The following MACROD2 variants were observed in gnomAD, a reference collection of about 807,000 sequenced individuals.
MACROD2 encodes the protein mono-ADP ribosylhydrolase 2.
MACROD2 carries 36 observed loss-of-function variants against 70.4 expected under a neutral mutation model. The observed-to-expected ratio is 0.51, with a 90% CI of 0.39 to 0.68. MACROD2 has a LOEUF of 0.68. Among genes scored for constraint, MACROD2 ranks in the 30% least tolerant of loss-of-function variants. The pLI, the probability that MACROD2 is intolerant of heterozygous loss-of-function variation, is 0.00. For missense variants in MACROD2, 496 were observed against 538.4 expected (o/e 0.92, Z 0.78); for synonymous variants, 172 against 178.8 (o/e 0.96, Z 0.30).
chr20:15,302,640 C>A (rs1002529546), intron 6 of MACROD2, among the ~76,000 whole-genome samples: 5 of 151,988 alleles, frequency 3.3e-5, no homozygotes, highest in Admixed American at 2.0e-4. Context: ...GGGATAAATC[C>A]CCAGTTGGGG....
At chr20:14,897,135 G>C (rs73268683) in intron 5 of MACROD2, among the ~76,000 whole-genome samples, 1 of 152,046 alleles carries the variant, frequency 6.6e-6, no homozygotes, top group African/African-American at 2.4e-5. Context: ...CCTGGGGTAC[G>C]AAAAATGATT....
rs929473471 is a variant in MACROD2 at position 14,804,877 on chromosome 20, T to TTGTGTGTG, written c.418+119927_418+119934dup. Among the ~76,000 whole-genome samples, 1,204 of 147,976 alleles carry TTGTGTGTG rather than the reference T, an allele frequency of 8.1e-3. 17 individuals carry two copies. Among genetic ancestry groups the TTGTGTGTG allele is most frequent in the African/African-American group, 0.029 (1,150 of 40,230 alleles). ...TCCAGGTGTGTGTGTGTGTGTGCTTTTGTGTGTGTGTGTGTGAGAGAGAGA... is the reference window on the plus strand; with the variant it reads ...TCCAGGTGTGTGTGTGTGTGTGCTTTTGTGTGTGTGTGTGTGTGTGTGTGAGAGAGAGA... On this transcript the variant is annotated intron_variant, in intron 5 of 17. Coordinates refer to ENST00000684519, the MANE Select transcript of MACROD2 (RefSeq NM_001351661.2).
At chr20:14,101,755 T>G (rs2054304588) in intron 3 of MACROD2, among the ~76,000 whole-genome samples, 1 of 151,754 alleles carries the variant, frequency 6.6e-6, no homozygotes, top group African/African-American at 2.4e-5. Context: ...CCAGGAGCTT[T>G]GTTTTGGTCT....
chr20:14,150,758 T>C (rs1451267081), intron 3 of MACROD2, among the ~76,000 whole-genome samples: 1 of 152,116 alleles, frequency 6.6e-6, no homozygotes, highest in Non-Finnish European at 1.5e-5. Context: ...GTTAGGGAAA[T>C]TTAGTAATAA....
At chr20:14,901,618 C>G (rs1358903079) in intron 5 of MACROD2, among the ~76,000 whole-genome samples, 3 of 152,088 alleles carry the variant, frequency 2.0e-5, no homozygotes, top group Non-Finnish European at 2.9e-5. Flanking sequence ...CAATAATGTT[C>G]AGGTTACAAT....
At chr20:15,929,094 G>C (rs985155776) in intron 10 of MACROD2, among the ~76,000 whole-genome samples, 5 of 152,124 alleles carry the variant, frequency 3.3e-5, no homozygotes, top group Non-Finnish European at 7.4e-5. Context: ...ATGCTCACAG[G>C]TCTGTAAGAT....
chr20:15,988,338 T>A (rs1217712279), intron 15 of MACROD2, among the ~76,000 whole-genome samples: 1 of 152,170 alleles, frequency 6.6e-6, no homozygotes, highest in Non-Finnish European at 1.5e-5. Flanking sequence ...TATATGGTAT[T>A]GCTCTCCTCA....
intron 15 of MACROD2, among the ~76,000 whole-genome samples, chr20:16,005,162 G>A (rs980121379): frequency 7.9e-5 from 12 of 152,094 alleles, no homozygotes; most frequent in Admixed American, 7.9e-4. Context: ...TCTCTACAAG[G>A]GTTGAAAAAA....
chr20:14,406,750 T>G (rs1246076896), intron 3 of MACROD2, among the ~76,000 whole-genome samples: 1 of 152,170 alleles, frequency 6.6e-6, no homozygotes, highest in Non-Finnish European at 1.5e-5. Flanking sequence ...ACTAATTCCC[T>G]GAAACTCACC....
chr20:14,219,078 G>T (rs1001822150), intron 3 of MACROD2, among the ~76,000 whole-genome samples: 13 of 152,130 alleles, frequency 8.5e-5, no homozygotes, highest in African/African-American at 2.9e-4. Flanking sequence ...GGATGTCTAG[G>T]TCTCTAGCAA....
chr20:15,208,797 G>A (rs924236198), intron 5 of MACROD2, among the ~76,000 whole-genome samples: 1 of 152,150 alleles, frequency 6.6e-6, no homozygotes, highest in Non-Finnish European at 1.5e-5. Flanking sequence ...GTAGTGAGGA[G>A]GCCTGCTGGG....
intron 8 of MACROD2, among the ~76,000 whole-genome samples, chr20:15,726,900 G>A (rs2050870815): frequency 6.6e-6 from 1 of 152,160 alleles, no homozygotes; most frequent in East Asian, 1.9e-4. Context: ...TCTGTTGATA[G>A]TTTCTTTTGC....
chr20:15,714,783 A>G (rs557715257), intron 8 of MACROD2, among the ~76,000 whole-genome samples: 12 of 152,224 alleles, frequency 7.9e-5, no homozygotes, highest in Non-Finnish European at 1.5e-4. Context: ...TGTGCCATAT[A>G]CTTTTTTATT....
chr20:15,214,239 G>A (rs899846304), intron 5 of MACROD2, among the ~76,000 whole-genome samples: 9 of 152,204 alleles, frequency 5.9e-5, no homozygotes, highest in African/African-American at 2.2e-4. Flanking sequence ...CCCATTTAGA[G>A]GAATGCCACC....
chr20:15,159,170 G>A (rs570938110), intron 5 of MACROD2, among the ~76,000 whole-genome samples: 65 of 151,932 alleles, frequency 4.3e-4, no homozygotes, highest in Non-Finnish European at 8.4e-4. Flanking sequence ...TTCTTTTCTA[G>A]AATCTCATTT....
At position 16,050,039 on chromosome 20, in the gene MACROD2, C is replaced by A; in HGVS notation, c.*163C>A. On this transcript the variant is annotated 3_prime_UTR_variant, in exon 18 of 18. Coordinates refer to ENST00000684519, the MANE Select transcript of MACROD2 (RefSeq NM_001351661.2). ...AGCTGCATTTTGTTCCGTTTATCTGCAGAAAAAGAAAGAAAAAAAAGAAAA... is the reference window on the plus strand; with the variant it reads ...AGCTGCATTTTGTTCCGTTTATCTGAAGAAAAAGAAAGAAAAAAAAGAAAA... 3 of 555,530 alleles carry A rather than the reference C, an allele frequency of 5.4e-6. No homozygotes were observed. Among genetic ancestry groups the A allele is most frequent in the Admixed American group, 7.9e-5 (2 of 25,268 alleles). 34.4% of individuals were successfully genotyped at this position (555,530 alleles called of 1,614,324 possible).
In MACROD2 at chr20:15,876,120, T is replaced by TGTATGTA. The variant is rs1400960877; in HGVS notation, c.728-9644_728-9643insGTATGTA. ...ATATATATATATATATATGTGTGTA[T>TGTATGTA]TTTTTTTATTACACTGTAAGTTCTA... On this transcript the variant is annotated intron_variant, in intron 9 of 17. Coordinates refer to ENST00000684519, the MANE Select transcript of MACROD2 (RefSeq NM_001351661.2). 4.8e-5 allele frequency among the ~76,000 whole-genome samples: 7 copies of TGTATGTA among 146,036 alleles called. 1 individual carries two copies. The highest frequency in any genetic ancestry group is 2.2e-4 in the South Asian group (1 of 4,594).
chr20:14,803,895 A>ATAG (rs1198152192), intron 5 of MACROD2, among the ~76,000 whole-genome samples: 9 of 152,138 alleles, frequency 5.9e-5, no homozygotes, highest in African/African-American at 2.2e-4. Context: ...TTATTCTTTA[A>ATAG]TAGAAAAATA....
At chr20:14,637,561 C>G (rs1354921334) in intron 4 of MACROD2, among the ~76,000 whole-genome samples, 1 of 152,174 alleles carries the variant, frequency 6.6e-6, no homozygotes, top group South Asian at 2.1e-4. Flanking sequence ...GAAGCCTAAT[C>G]GTGCCTTCTG....
Sources: allele counts gnomAD v4.1 joint callset (sites outside exome capture counted in the v4.1 genomes callset), GRCh38; gene constraint gnomAD v4.1.1; transcripts MANE v1.5; gene names NCBI Gene and HGNC (gene_info 2026-07-23, HGNC 2026-07-21).